The following GALNTL6 variants were observed in gnomAD, a reference collection of about 807,000 sequenced individuals.
The protein encoded by GALNTL6 is polypeptide N-acetylgalactosaminyltransferase-like 6.
In GALNTL6, 46 loss-of-function variants were observed where a neutral mutation model predicts 73.7. That is an observed-to-expected ratio of 0.62 (90% CI 0.49 to 0.80). The LOEUF is 0.80. Ranked by LOEUF, GALNTL6 falls within the 30% of genes least tolerant of loss-of-function variation. The pLI, the probability that GALNTL6 is intolerant of heterozygous loss-of-function variation, is 0.00. For synonymous variants in GALNTL6, 259 were observed against 263.7 expected, an observed-to-expected ratio of 0.98 and a Z score of 0.17; for missense variants, 604 against 755.0, an observed-to-expected ratio of 0.80 and a Z score of 2.34.
At chr4:172,255,070 T>C (rs10009983) in intron 3 of GALNTL6, among the ~76,000 whole-genome samples, 19,178 of 151,700 alleles carry the variant, frequency 0.13, 1,314 homozygotes, top group East Asian at 0.3. Context: ...CCTTAAGGGA[T>C]AATTTTTTAT....
chr4:171,940,678 G>A (rs1342178130), intron 2 of GALNTL6, among the ~76,000 whole-genome samples: 1 of 151,884 alleles, frequency 6.6e-6, no homozygotes, highest in African/African-American at 2.4e-5. Flanking sequence ...ACAAAAATTA[G>A]CTGGGCTTTG....
intron 2 of GALNTL6, among the ~76,000 whole-genome samples, chr4:172,187,468 A>G (rs1161087309): frequency 6.6e-6 from 1 of 152,112 alleles, no homozygotes; most frequent in East Asian, 1.9e-4. Context: ...AATAGCTCAA[A>G]TTCATTAGTG....
At chr4:172,082,835 C>T (rs2174491) in intron 2 of GALNTL6, among the ~76,000 whole-genome samples, 150,445 of 152,290 alleles carry the variant, frequency 0.99, 74,332 homozygotes, top group Middle Eastern at 1. Context: ...CATCTATGAG[C>T]ATTGGTGGTG....
rs76850924 is a variant in GALNTL6, at chr4:172,410,001, T to C, written c.553+61312T>C. Among the ~76,000 whole-genome samples the C allele has an allele frequency of 7.9e-3, 1,202 of 152,130 alleles. 19 individuals are homozygous for C. Among genetic ancestry groups the C allele is most frequent in the African/African-American group, 0.027 (1,133 of 41,544 alleles). ...GTTTATAAATGTGACAAAAATTTAT[T>C]TCTAGATTTTTCTACTTTTACATGT... On this transcript the variant is annotated intron_variant, in intron 5 of 12. Transcript: ENST00000506823.
chr4:172,743,234 C>T (rs1366947048), intron 5 of GALNTL6, among the ~76,000 whole-genome samples: 2 of 151,976 alleles, frequency 1.3e-5, no homozygotes, highest in Admixed American at 6.6e-5. Context: ...ATCAGAAGAC[C>T]CAAGTAAAAG....
At chr4:172,352,451 C>T (rs1205549470) in intron 5 of GALNTL6, among the ~76,000 whole-genome samples, 4 of 152,098 alleles carry the variant, frequency 2.6e-5, no homozygotes, top group Non-Finnish European at 4.4e-5. Flanking sequence ...TTCCAGTAAG[C>T]TCTGAGAAAT....
chr4:171,919,080 T>A (rs1257077049), intron 2 of GALNTL6, among the ~76,000 whole-genome samples: 1 of 152,110 alleles, frequency 6.6e-6, no homozygotes, highest in Non-Finnish European at 1.5e-5. Flanking sequence ...CAACATTGTA[T>A]CTATCGTCAA....
intron 5 of GALNTL6, among the ~76,000 whole-genome samples, chr4:172,436,523 G>GT (rs1394310662): frequency 6.6e-6 from 1 of 152,074 alleles, no homozygotes; most frequent in Non-Finnish European, 1.5e-5. Context: ...GAACTTCTAA[G>GT]TAAGTTTTCA....
intron 2 of GALNTL6, among the ~76,000 whole-genome samples, chr4:171,951,432 G>T (rs1242461202): frequency 6.6e-6 from 1 of 151,956 alleles, no homozygotes; most frequent in East Asian, 1.9e-4. Flanking sequence ...ACTGCAAGGA[G>T]AAATTAATGA....
At chr4:172,800,358 T>C (rs528172032) in intron 5 of GALNTL6, among the ~76,000 whole-genome samples, 142 of 152,324 alleles carry the variant, frequency 9.3e-4, no homozygotes, top group African/African-American at 3.4e-3. Context: ...TATATCAACA[T>C]TGACAATTCA....
chr4:172,840,138 C>T (rs996479409), intron 7 of GALNTL6, among the ~76,000 whole-genome samples: 1 of 152,100 alleles, frequency 6.6e-6, no homozygotes, highest in African/African-American at 2.4e-5. Flanking sequence ...CGCAAATGTT[C>T]CTGTTTGTTT....
intron 2 of GALNTL6, among the ~76,000 whole-genome samples, chr4:172,155,321 C>T (rs752941858): frequency 4.6e-5 from 7 of 151,984 alleles, no homozygotes; most frequent in East Asian, 1.9e-4. Flanking sequence ...AAAATAGGCC[C>T]GGGGAGCTTG....
intron 7 of GALNTL6, among the ~76,000 whole-genome samples, chr4:172,825,396 G>A (rs1742208332): frequency 6.6e-6 from 1 of 152,094 alleles, no homozygotes; most frequent in Non-Finnish European, 1.5e-5. Flanking sequence ...TCCCACTCCA[G>A]CCTTCTTCAC....
In GALNTL6 at chr4:172,874,155, G is replaced by A. The variant is rs143041964; in HGVS notation, c.924-8635G>A. Among the ~76,000 whole-genome samples, 1,119 of 152,326 alleles carry A rather than the reference G, an allele frequency of 7.3e-3. 10 individuals are homozygous for A. The highest frequency in any genetic ancestry group is 0.021 in the South Asian group (100 of 4,826). ...GAAGAAAGGCTCTCCACTCTCCGCT[G>A]GGTATTTTCAGCTTTTAACAGTCTC... is the stretch of plus-strand genomic sequence containing the variant. On this transcript the variant is annotated intron_variant, in intron 7 of 12. Coordinates refer to ENST00000506823, the MANE Select transcript of GALNTL6 (RefSeq NM_001034845.3).
At chr4:172,662,090 T>C (rs1269108931) in intron 5 of GALNTL6, among the ~76,000 whole-genome samples, 2 of 152,036 alleles carry the variant, frequency 1.3e-5, no homozygotes, top group African/African-American at 4.8e-5. Flanking sequence ...ACCTGCACTT[T>C]AATAAGATCC....
chr4:172,514,472 G>A (rs1579142389), intron 5 of GALNTL6, among the ~76,000 whole-genome samples: 1 of 152,178 alleles, frequency 6.6e-6, no homozygotes, highest in African/African-American at 2.4e-5. Context: ...CAGCCAGCGA[G>A]CAGGGCTGGG....
At chr4:172,035,137 A>G (rs1401308727) in intron 2 of GALNTL6, among the ~76,000 whole-genome samples, 5 of 152,100 alleles carry the variant, frequency 3.3e-5, no homozygotes, top group Admixed American at 6.6e-5. Flanking sequence ...TATGCTTATT[A>G]CCTGATATTT....
intron 2 of GALNTL6, among the ~76,000 whole-genome samples, chr4:171,831,498 T>G (rs760510466): frequency 6.6e-6 from 1 of 151,974 alleles, no homozygotes; most frequent in Non-Finnish European, 1.5e-5. Flanking sequence ...TACGGTCAAC[T>G]TTTCATTTTT....
chr4:172,359,518 TG>T (rs1742289771), intron 5 of GALNTL6, among the ~76,000 whole-genome samples: 1 of 152,164 alleles, frequency 6.6e-6, no homozygotes, highest in Admixed American at 6.5e-5. Context: ...AGAGTTAAAA[TG>T]ACATCAGTGT....
Sources: allele counts gnomAD v4.1 joint callset (sites outside exome capture counted in the v4.1 genomes callset), GRCh38; gene constraint gnomAD v4.1.1; transcripts MANE v1.5; gene names NCBI Gene and HGNC (gene_info 2026-07-23, HGNC 2026-07-21).